The following TIMP3 variants were observed in gnomAD, a reference collection of about 807,000 sequenced individuals.
TIMP3 encodes TIMP metallopeptidase inhibitor 3.
A neutral mutation model predicts 30.0 loss-of-function variants in TIMP3; 11 were observed. That is an observed-to-expected ratio of 0.37 (90% CI 0.23 to 0.61). The LOEUF (loss-of-function observed/expected upper bound fraction) is 0.61. Among genes scored for constraint, TIMP3 ranks in the 20% least tolerant of loss-of-function variants. TIMP3 has a pLI of 0.70. For missense variants in TIMP3, 181 were observed against 276.8 expected, an observed-to-expected ratio of 0.65 and a Z score of 2.45; for synonymous variants, 112 against 111.3, an observed-to-expected ratio of 1.01 and a Z score of -0.04.
At chr22:32,827,895 C>T (rs1257918187) in intron 1 of TIMP3, among the ~76,000 whole-genome samples, 1 of 152,148 alleles carries the variant, frequency 6.6e-6, no homozygotes, top group Non-Finnish European at 1.5e-5. Flanking sequence ...ACTGGCTGGC[C>T]CCTTCTCATC....
intron 1 of TIMP3, among the ~76,000 whole-genome samples, chr22:32,827,246 C>G (rs1388817100): frequency 6.6e-6 from 1 of 152,172 alleles, no homozygotes; most frequent in Non-Finnish European, 1.5e-5. Context: ...TTAGCTTACC[C>G]CTGTCTGGCA....
chr22:32,858,287 T>C (rs2048434170), intron 4 of TIMP3, 149 bp downstream of exon 4: 3 of 1,145,048 alleles, frequency 2.6e-6, no homozygotes, highest in African/African-American at 1.6e-5. Context: ...TGAGCAGATA[T>C]AGTAAGGATT....
chr22:32,858,290 T>A, intron 4 of TIMP3, 152 bp downstream of exon 4: 2 of 1,116,608 alleles, frequency 1.8e-6, no homozygotes, highest in Non-Finnish European at 2.5e-6. Flanking sequence ...GCAGATATAG[T>A]AAGGATTGTT....
intron 2 of TIMP3, among the ~76,000 whole-genome samples, chr22:32,852,723 C>T (rs1252054712): frequency 6.7e-6 from 1 of 149,744 alleles, no homozygotes; most frequent in Non-Finnish European, 1.5e-5. Flanking sequence ...CTTCAGTACA[C>T]AGAGACCTGC....
intron 2 of TIMP3, among the ~76,000 whole-genome samples, chr22:32,856,776 G>A (rs559288583): frequency 4.6e-5 from 7 of 152,078 alleles, no homozygotes; most frequent in African/African-American, 9.7e-5. Context: ...CTGCGTACTC[G>A]TATTTTTGTA....
Position 32,859,613 on chromosome 22 carries a change from T to C in TIMP3, c.*236T>C, listed in dbSNP as rs1236912478. The C allele has an allele frequency of 1.4e-5, 8 of 557,156 alleles. No homozygotes were observed. The African/African-American group carries it at 1.5e-4, about 10-fold the overall frequency. 34.5% of individuals were successfully genotyped at this position (557,156 alleles called of 1,614,324 possible). A position where few individuals can be genotyped will look rare whatever the true frequency, so the allele number is the denominator to read the frequency against. On this transcript the variant is annotated 3_prime_UTR_variant, in exon 5 of 5. Coordinates refer to ENST00000266085, the MANE Select transcript of TIMP3 (RefSeq NM_000362.5). Reference sequence around the variant, plus strand: ...TCATTCATTTCCACCTGGGAATTTCTGGTGCCATGCCAGAAAGAATGAGGA... The same window carrying C: ...TCATTCATTTCCACCTGGGAATTTCCGGTGCCATGCCAGAAAGAATGAGGA...
chr22:32,816,221 G>C (rs918020419), intron 1 of TIMP3, among the ~76,000 whole-genome samples: 1 of 152,134 alleles, frequency 6.6e-6, no homozygotes, highest in Non-Finnish European at 1.5e-5. Context: ...GGGGGTAGGG[G>C]GGAGGCCAGA....
At chr22:32,805,794 T>C (rs560683766) in intron 1 of TIMP3, among the ~76,000 whole-genome samples, 1 of 152,054 alleles carries the variant, frequency 6.6e-6, no homozygotes, top group Non-Finnish European at 1.5e-5. Flanking sequence ...CAACTTTCAT[T>C]GACACATGAC....
chr22:32,816,243 C>T (rs902679356), intron 1 of TIMP3, among the ~76,000 whole-genome samples: 2 of 152,152 alleles, frequency 1.3e-5, no homozygotes, highest in Non-Finnish European at 2.9e-5. Context: ...GATTAACACT[C>T]TTTAAATAGA....
At chr22:32,855,812 C>T (rs2048347399) in intron 2 of TIMP3, among the ~76,000 whole-genome samples, 1 of 152,146 alleles carries the variant, frequency 6.6e-6, no homozygotes, top group Non-Finnish European at 1.5e-5. Context: ...GGCAAAATTG[C>T]CTCCAGTTGA....
Position 32,846,974 on chromosome 22 carries a change from C to T in TIMP3, c.122-2478C>T, listed in dbSNP as rs5998646. ...TGCAGAAGCTTCCAGCAGTACTCAG[C>T]TTTATGGGGCAGGTCTGCTTGTGAC... On this transcript the variant is annotated intron_variant, in intron 1 of 4. Transcript: ENST00000266085. Among the ~76,000 whole-genome samples the T allele has an allele frequency of 8.2e-3, 1,252 of 152,344 alleles. 15 individuals are homozygous for T. Among genetic ancestry groups the T allele is most frequent in the African/African-American group, 0.029 (1,203 of 41,580 alleles).
At chr22:32,841,789 G>A (rs2047913087) in intron 1 of TIMP3, among the ~76,000 whole-genome samples, 1 of 151,962 alleles carries the variant, frequency 6.6e-6, no homozygotes, top group Non-Finnish European at 1.5e-5. Context: ...TATGGTACAT[G>A]TTTACCTTTG....
rs528325996 is a variant in TIMP3, at chr22:32,860,381, A to G, written c.*1004A>G. ...CTCACCTAGGGGGATATGTTTGTAT[A>G]CACATTTGCATATACCCACATGGGG... is the stretch of plus-strand genomic sequence containing the variant. On this transcript the variant is annotated 3_prime_UTR_variant, in exon 5 of 5. Coordinates refer to ENST00000266085, the MANE Select transcript of TIMP3 (RefSeq NM_000362.5). 1 of 152,786 alleles carries G rather than the reference A, an allele frequency of 6.5e-6. No homozygotes were observed. The highest frequency in any genetic ancestry group is 6.5e-5 in the Admixed American group (1 of 15,308). 9.5% of individuals were successfully genotyped at this position (152,786 alleles called of 1,614,324 possible).
At chr22:32,822,174 A>AG (rs66964243) in intron 1 of TIMP3, among the ~76,000 whole-genome samples, 2 of 150,166 alleles carry the variant, frequency 1.3e-5, no homozygotes, top group Non-Finnish European at 3.0e-5. Flanking sequence ...AAAAAAAAAA[A>AG]GAAGTTGGAG....
At chr22:32,852,330 GT>G (rs2048242473) in intron 2 of TIMP3, among the ~76,000 whole-genome samples, 1 of 152,166 alleles carries the variant, frequency 6.6e-6, no homozygotes, top group South Asian at 2.1e-4. Context: ...CACTCCATAT[GT>G]TTTTAGTTCC....
intron 1 of TIMP3, among the ~76,000 whole-genome samples, chr22:32,817,010 G>A (rs1014689232): frequency 7.3e-5 from 11 of 151,108 alleles, no homozygotes; most frequent in Non-Finnish European, 1.6e-4. Context: ...TTGAGCCCAG[G>A]AATTGAAGAC....
In TIMP3 at chr22:32,859,382, C is replaced by T. The variant is rs2048472182; in HGVS notation, c.*5C>T. 6.2e-7 allele frequency: 1 copy of T among 1,606,744 alleles called. No homozygotes were observed. The highest frequency in any genetic ancestry group is 8.5e-7 in the Non-Finnish European group (1 of 1,179,560). On this transcript the variant is annotated 3_prime_UTR_variant, in exon 5 of 5. Transcript: ENST00000266085. Reference sequence around the variant, plus strand: ...ATCAATGCCACAGACCCCTGAGCGCCAGACCCTGCCCCACCTCACTTCCCT... The same window carrying T: ...ATCAATGCCACAGACCCCTGAGCGCTAGACCCTGCCCCACCTCACTTCCCT...
Position 32,859,447 on chromosome 22 carries a change from A to G in TIMP3, c.*70A>G. ...CTTCCCTTGGACACTAACTCTTCCC[A>G]GATGATGACAATGAAATTAGTGCCT... On this transcript the variant is annotated 3_prime_UTR_variant, in exon 5 of 5. Transcript: ENST00000266085. 1 of 1,527,958 alleles carries G rather than the reference A, an allele frequency of 6.5e-7. No homozygotes were observed. Among genetic ancestry groups the G allele is most frequent in the East Asian group, 2.4e-5 (1 of 42,028 alleles). The allele number at this position is 1,527,958 out of a possible 1,614,324, so 94.7% of individuals were successfully genotyped here. A position where few individuals can be genotyped will look rare whatever the true frequency, so the allele number is the denominator to read the frequency against.
intron 1 of TIMP3, among the ~76,000 whole-genome samples, chr22:32,826,599 C>G (rs1004600099): frequency 6.6e-6 from 1 of 152,116 alleles, no homozygotes. Flanking sequence ...GAAGTTAACA[C>G]TTTAAAAGAA....
Sources: allele counts gnomAD v4.1 joint callset (sites outside exome capture counted in the v4.1 genomes callset), GRCh38; gene constraint gnomAD v4.1.1; transcripts MANE v1.5; gene names NCBI Gene and HGNC (gene_info 2026-07-23, HGNC 2026-07-21).